Variants in UNC5D observed in about 807,000 individuals in gnomAD.
UNC5D encodes unc-5 netrin receptor D.
A neutral mutation model predicts 105.4 loss-of-function variants in UNC5D; 39 were observed. The ratio of observed to expected loss-of-function variants is 0.37; its 90% CI spans 0.29 to 0.48. The LOEUF (loss-of-function observed/expected upper bound fraction) is 0.48, where lower values mean the gene tolerates loss of function less well. Ranked by LOEUF, UNC5D falls within the 20% of genes least tolerant of loss-of-function variation. UNC5D has a pLI of 0.98. For missense variants in UNC5D, 991 were observed against 1,202.4 expected, an observed-to-expected ratio of 0.82 and a Z score of 2.60; for synonymous variants, 452 against 450.4, an observed-to-expected ratio of 1.00 and a Z score of -0.04.
chr8:35,579,578 G>T (rs886566362), intron 3 of UNC5D, among the ~76,000 whole-genome samples: 1 of 152,116 alleles, frequency 6.6e-6, no homozygotes, highest in Non-Finnish European at 1.5e-5. Flanking sequence ...AATTTAGAGT[G>T]AGCATTCCAA....
At chr8:35,461,255 T>C (rs555433330) in intron 1 of UNC5D, among the ~76,000 whole-genome samples, 1 of 152,334 alleles carries the variant, frequency 6.6e-6, no homozygotes, top group South Asian at 2.1e-4. Flanking sequence ...GTTGAAAAGT[T>C]CATATCCATT....
intron 16 of UNC5D, among the ~76,000 whole-genome samples, chr8:35,789,137 CTATATA>C (rs58201859): frequency 0.011 from 369 of 32,366 alleles, 6 homozygotes; most frequent in African/African-American, 0.015. Context: ...GGAGAAAAGA[CTATATA>C]TATATATATA....
chr8:35,683,890 C>A (rs113142474), intron 5 of UNC5D, among the ~76,000 whole-genome samples, 163 bp downstream of exon 5: 1 of 152,196 alleles, frequency 6.6e-6, no homozygotes, highest in Non-Finnish European at 1.5e-5. Context: ...AAAAACATCA[C>A]TATTTCTATT....
At chr8:35,309,940 A>G (rs1315088024) in intron 1 of UNC5D, among the ~76,000 whole-genome samples, 1 of 152,200 alleles carries the variant, frequency 6.6e-6, no homozygotes, top group African/African-American at 2.4e-5. Flanking sequence ...TTAATTTTAA[A>G]TTTAGTGATA....
chr8:35,425,924 A>G (rs1226168213), intron 1 of UNC5D, among the ~76,000 whole-genome samples: 1 of 152,126 alleles, frequency 6.6e-6, no homozygotes, highest in African/African-American at 2.4e-5. Context: ...AAACCTAAAA[A>G]CCATCTGGTT....
intron 1 of UNC5D, among the ~76,000 whole-genome samples, chr8:35,371,274 A>G (rs988304876): frequency 1.5e-4 from 23 of 152,240 alleles, no homozygotes; most frequent in African/African-American, 5.5e-4. Flanking sequence ...TTCATACTTC[A>G]TATGCTTCAT....
At chr8:35,733,612 A>G (rs530023078) in intron 11 of UNC5D, among the ~76,000 whole-genome samples, 1 of 152,214 alleles carries the variant, frequency 6.6e-6, no homozygotes, top group Non-Finnish European at 1.5e-5. Flanking sequence ...CACAGAGCAC[A>G]GTAGGATCTT....
chr8:35,767,924 C>T (rs573479195), intron 15 of UNC5D, among the ~76,000 whole-genome samples: 19 of 152,050 alleles, frequency 1.2e-4, no homozygotes, highest in African/African-American at 4.6e-4. Flanking sequence ...GATTGTGATG[C>T]TTTTGTTTGT....
intron 1 of UNC5D, among the ~76,000 whole-genome samples, chr8:35,252,956 C>T (rs950067278): frequency 2.6e-5 from 4 of 152,160 alleles, no homozygotes; most frequent in Non-Finnish European, 5.9e-5. Flanking sequence ...TGATTTCCAT[C>T]TCCTCAATTA....
chr8:35,653,251 C>G (rs1424553626), intron 4 of UNC5D, among the ~76,000 whole-genome samples: 1 of 151,994 alleles, frequency 6.6e-6, no homozygotes, highest in East Asian at 1.9e-4. Context: ...TATTTGTCCA[C>G]TTGGGATTCA....
chr8:35,406,285 TG>T (rs1379771937), intron 1 of UNC5D, among the ~76,000 whole-genome samples: 1 of 152,228 alleles, frequency 6.6e-6, no homozygotes, highest in East Asian at 1.9e-4. Context: ...TTTCACTATT[TG>T]CATCCTGAGG....
At chr8:35,409,639 A>G (rs1386550182) in intron 1 of UNC5D, among the ~76,000 whole-genome samples, 1 of 151,950 alleles carries the variant, frequency 6.6e-6, no homozygotes, top group Non-Finnish European at 1.5e-5. Context: ...CATTCTGAGT[A>G]TAAATTTTTT....
rs148695360 is a variant in UNC5D at position 35,372,602 on chromosome 8, T to C, written c.103+136715T>C. Among the ~76,000 whole-genome samples, 413 of 152,224 alleles carry C rather than the reference T, an allele frequency of 2.7e-3. 2 individuals carry two copies. Among genetic ancestry groups the C allele is most frequent in the African/African-American group, 9.3e-3 (387 of 41,540 alleles). ...ATAGGCCAAATGCTCTAATATTTTA[T>C]TATTTTTTTTTCTTTTCAAGAGACA... is the stretch of plus-strand genomic sequence containing the variant. On this transcript the variant is annotated intron_variant, in intron 1 of 16. Coordinates refer to ENST00000404895, the MANE Select transcript of UNC5D (RefSeq NM_080872.4).
chr8:35,407,157 A>G (rs781706657), intron 1 of UNC5D, among the ~76,000 whole-genome samples: 7 of 152,126 alleles, frequency 4.6e-5, no homozygotes, highest in African/African-American at 9.7e-5. Flanking sequence ...GGAACATGCT[A>G]TACAGGTTTG....
intron 7 of UNC5D, among the ~76,000 whole-genome samples, chr8:35,695,988 A>T (rs1826745572): frequency 6.6e-6 from 1 of 151,856 alleles, no homozygotes; most frequent in African/African-American, 2.4e-5. Flanking sequence ...ACCCACCTTG[A>T]CCTCCCAAAG....
chr8:35,763,861 G>T (rs1385013919), intron 14 of UNC5D, among the ~76,000 whole-genome samples: 1 of 152,150 alleles, frequency 6.6e-6, no homozygotes, highest in Admixed American at 6.5e-5. Flanking sequence ...TCACACAGCA[G>T]GTTGATCAAA....
At chr8:35,401,203 G>T (rs777534726) in intron 1 of UNC5D, among the ~76,000 whole-genome samples, 1 of 152,014 alleles carries the variant, frequency 6.6e-6, no homozygotes, top group Non-Finnish European at 1.5e-5. Context: ...AAAATGAGGG[G>T]CCAGGTGCAG....
chr8:35,491,953 A>G (rs1811238964), intron 1 of UNC5D, among the ~76,000 whole-genome samples: 1 of 152,128 alleles, frequency 6.6e-6, no homozygotes, highest in East Asian at 1.9e-4. Flanking sequence ...TCACCTGTGT[A>G]ACCACATAAA....
chr8:35,759,549 T>G, intron 14 of UNC5D, 80 bp downstream of exon 14: 1 of 1,482,354 alleles, frequency 6.7e-7, no homozygotes, highest in Non-Finnish European at 9.1e-7. Context: ...AAGGGTCTGC[T>G]TGATTTTCCT....
Sources: allele counts gnomAD v4.1 joint callset (sites outside exome capture counted in the v4.1 genomes callset), GRCh38; gene constraint gnomAD v4.1.1; transcripts MANE v1.5; gene names NCBI Gene and HGNC (gene_info 2026-07-23, HGNC 2026-07-21).